Variants in NBAS observed in about 807,000 individuals in gnomAD.
NBAS encodes the protein NBAS subunit of NRZ tethering complex.
In NBAS, 219 loss-of-function variants were observed where a neutral mutation model predicts 302.5. That is an observed-to-expected ratio of 0.72 (90% confidence interval 0.65 to 0.81). The LOEUF (loss-of-function observed/expected upper bound fraction) is 0.81, where lower values mean the gene tolerates loss of function less well. Among genes scored for constraint, NBAS ranks in the 30% least tolerant of loss-of-function variants. The pLI, the probability that NBAS is intolerant of heterozygous loss-of-function variation, is 0.00. For missense variants in NBAS, 2,932 were observed against 2,841.6 expected, an observed-to-expected ratio of 1.03 and a Z score of -0.72; for synonymous variants, 1,118 against 1,021.6, an observed-to-expected ratio of 1.09 and a Z score of -1.80.
the NBAS span, among the ~76,000 whole-genome samples, chr2:14,890,262 G>C: frequency 5.8e-4 from 88 of 152,200 alleles, no homozygotes; most frequent in African/African-American, 2.1e-3. Context: ...TTTTACAAAA[G>C]AGATAATGAA....
the NBAS span, among the ~76,000 whole-genome samples, chr2:14,826,799 T>G: frequency 6.6e-6 from 1 of 152,208 alleles, no homozygotes; most frequent in Non-Finnish European, 1.5e-5. Flanking sequence ...AGTCCCAAAG[T>G]GAGGCCTTTG....
At chr2:15,281,791 T>C (rs1669836891) in intron 42 of NBAS, among the ~76,000 whole-genome samples, 1 of 152,224 alleles carries the variant, frequency 6.6e-6, no homozygotes, top group African/African-American at 2.4e-5. Context: ...TGCATTTTCC[T>C]GTTTATGTTT....
chr2:15,516,451 T>TGAA (rs1433616373), intron 9 of NBAS, among the ~76,000 whole-genome samples: 1 of 152,086 alleles, frequency 6.6e-6, no homozygotes, highest in Non-Finnish European at 1.5e-5. Context: ...ATCCATAAAA[T>TGAA]GAAGACTGGG....
At chr2:15,029,777 C>T in the NBAS span, among the ~76,000 whole-genome samples, 1 of 152,192 alleles carries the variant, frequency 6.6e-6, no homozygotes, top group Non-Finnish European at 1.5e-5. Flanking sequence ...GAGTGCAGGC[C>T]TGCCTTTCAT....
the NBAS span, among the ~76,000 whole-genome samples, chr2:14,805,090 C>T: frequency 2.6e-5 from 4 of 152,174 alleles, no homozygotes; most frequent in Non-Finnish European, 5.9e-5. Flanking sequence ...ACTACAAAGA[C>T]TGAGTCATTA....
chr2:14,973,512 A>G, the NBAS span, among the ~76,000 whole-genome samples: 339 of 152,358 alleles, frequency 2.2e-3, no homozygotes, highest in African/African-American at 7.9e-3. Context: ...AGCAGCCAAC[A>G]GAAAAACAGA....
chr2:15,552,732 A>T (rs10929376), intron 5 of NBAS, among the ~76,000 whole-genome samples: 96,518 of 151,466 alleles, frequency 0.64, 31,477 homozygotes, highest in Non-Finnish European at 0.68. Flanking sequence ...TACGTAACCT[A>T]GGTCATTTGC....
the NBAS span, among the ~76,000 whole-genome samples, chr2:14,965,726 C>G: frequency 1.3e-5 from 2 of 151,714 alleles, no homozygotes; most frequent in Non-Finnish European, 2.9e-5. Context: ...ACAGTATTTT[C>G]TAAAAGTATG....
chr2:15,205,201 AAC>A, intron 48 of NBAS, among the ~76,000 whole-genome samples: 1 of 152,278 alleles, frequency 6.6e-6, no homozygotes, highest in Non-Finnish European at 1.5e-5. Context: ...AATGAGTTAT[AAC>A]ACAGAATTTG....
At chr2:14,999,560 G>C in the NBAS span, among the ~76,000 whole-genome samples, 1 of 151,904 alleles carries the variant, frequency 6.6e-6, no homozygotes, top group Admixed American at 6.6e-5. Flanking sequence ...TTTCCCATTC[G>C]CATGCTCTCT....
chr2:15,437,099 C>T (rs934856984), intron 21 of NBAS, among the ~76,000 whole-genome samples: 2 of 152,044 alleles, frequency 1.3e-5, no homozygotes, highest in Admixed American at 1.3e-4. Flanking sequence ...TACACAACTC[C>T]CTATTTTCCA....
At chr2:15,348,028 A>G (rs889121991) in intron 35 of NBAS, among the ~76,000 whole-genome samples, 2 of 152,226 alleles carry the variant, frequency 1.3e-5, no homozygotes, top group African/African-American at 4.8e-5. Context: ...AAAGTAGATT[A>G]CACATAAAGT....
At chr2:14,899,446 A>C in the NBAS span, among the ~76,000 whole-genome samples, 1 of 152,210 alleles carries the variant, frequency 6.6e-6, no homozygotes, top group Admixed American at 6.5e-5. Context: ...AAAATGAAGA[A>C]GGGTTAAATT....
intron 44 of NBAS, among the ~76,000 whole-genome samples, chr2:15,267,384 T>C (rs879449800): frequency 6.6e-6 from 1 of 152,172 alleles, no homozygotes; most frequent in Admixed American, 6.5e-5. Flanking sequence ...GGCAAAATAC[T>C]TATTTTGATC....
At chr2:15,473,170 A>G in intron 16 of NBAS, 52 bp downstream of exon 16, 2 of 1,593,922 alleles carry the variant, frequency 1.3e-6, no homozygotes, top group South Asian at 2.2e-5. Context: ...TATAAACAAA[A>G]GATATTACAT....
chr2:15,230,594 T>C (rs7568947), intron 47 of NBAS, among the ~76,000 whole-genome samples: 90,853 of 152,026 alleles, frequency 0.6, 30,008 homozygotes, highest in African/African-American at 0.87. Context: ...TTCACTAAGA[T>C]GAAATACTGC....
the NBAS span, among the ~76,000 whole-genome samples, chr2:14,930,004 C>G: frequency 6.6e-6 from 1 of 152,170 alleles, no homozygotes; most frequent in African/African-American, 2.4e-5. Context: ...CTCTCCTGCT[C>G]CACCATGGTA....
chr2:15,314,608 TA>T (rs1344580307), intron 38 of NBAS, among the ~76,000 whole-genome samples: 6 of 152,120 alleles, frequency 3.9e-5, no homozygotes, highest in Non-Finnish European at 4.4e-5. Context: ...CAGCTGAAAG[TA>T]AAAGAATTCT....
At chr2:14,805,253 AT>A in the NBAS span, among the ~76,000 whole-genome samples, 1 of 152,194 alleles carries the variant, frequency 6.6e-6, no homozygotes, top group Admixed American at 6.5e-5. Context: ...TCCTTGGGGC[AT>A]TTTGGAGGAA....
Sources: gnomAD v4.1 joint callset for allele counts (sites outside exome capture counted in the v4.1 genomes callset) on GRCh38, gnomAD v4.1.1 for gene constraint, MANE v1.5 for transcripts, NCBI Gene and HGNC (gene_info 2026-07-23, HGNC 2026-07-21) for gene names.